ATXN7: variants seen among roughly 807,000 people sequenced by gnomAD.
ATXN7 encodes the protein ataxin-7.
A neutral mutation model predicts 70.5 loss-of-function variants in ATXN7; 12 were observed. The ratio of observed to expected loss-of-function variants is 0.17; its 90% CI spans 0.11 to 0.28. ATXN7 has a LOEUF of 0.28. Ranked by LOEUF, ATXN7 falls within the 10% of genes least tolerant of loss-of-function variation. The probability of loss-of-function intolerance (pLI) is 1.00; values close to 1 mark genes in which losing one functional copy is unlikely to be tolerated. For synonymous variants in ATXN7, 498 were observed against 448.7 expected (o/e 1.11, Z -1.39); for missense variants, 1,256 against 1,131.7 (o/e 1.11, Z -1.58).
intron 4 of ATXN7, among the ~76,000 whole-genome samples, chr3:63,939,048 G>A (rs17069500): frequency 0.061 from 9,196 of 151,040 alleles, 613 homozygotes; most frequent in African/African-American, 0.16. Context: ...GACTTGATTT[G>A]TAAGACATTT....
At chr3:63,967,907 T>C in intron 5 of ATXN7, 1 of 1,535,974 alleles carries the variant, frequency 6.5e-7, no homozygotes, top group Non-Finnish European at 8.7e-7. Flanking sequence ...AACCAAATTC[T>C]GTGAATGGAA....
At chr3:63,886,860 G>T (rs970494462) in intron 1 of ATXN7, among the ~76,000 whole-genome samples, 1 of 152,178 alleles carries the variant, frequency 6.6e-6, no homozygotes, top group Non-Finnish European at 1.5e-5. Flanking sequence ...ATGACAGTTT[G>T]TTTGCAGAAT....
chr3:63,997,223 A>G (rs191600323), intron 12 of ATXN7, among the ~76,000 whole-genome samples: 3 of 152,036 alleles, frequency 2.0e-5, no homozygotes, highest in Admixed American at 1.3e-4. Context: ...GCGCCACTGC[A>G]CTCCATCCGG....
chr3:63,983,075 G>T (rs562640418), intron 8 of ATXN7, 54 bp downstream of exon 8: 10 of 1,381,718 alleles, frequency 7.2e-6, no homozygotes, highest in Non-Finnish European at 1.0e-5. Context: ...TGGGTGACTG[G>T]GATGTACCAC....
At chr3:63,998,228 G>C in intron 12 of ATXN7, 4 of 973,192 alleles carry the variant, frequency 4.1e-6, no homozygotes, top group Non-Finnish European at 4.9e-6. Context: ...GGGCACAGCA[G>C]AGATTGACAG....
intron 12 of ATXN7, chr3:63,998,203 G>GGA (rs1303097939): frequency 1.9e-5 from 18 of 949,776 alleles, no homozygotes; most frequent in South Asian, 1.0e-4. Context: ...GGACAGAAGG[G>GGA]GGGGGGGCCA....
chr3:63,957,625 T>C lies in ATXN7; in HGVS notation c.499+5142T>C, dbSNP rs1018500367. 2.0e-5 allele frequency among the ~76,000 whole-genome samples: 3 copies of C among 152,380 alleles called. No homozygotes were observed. The South Asian group carries it at 6.2e-4, about 32-fold the overall frequency. ...TTTATGTTGATGCTTTTGCCAGTGC[T>C]GGCTCTGAGCCTGAGGCTTGCTCTC... On this transcript the variant is annotated intron_variant, in intron 5 of 12. Transcript: ENST00000674280.
intron 8 of ATXN7, among the ~76,000 whole-genome samples, chr3:63,986,174 C>G (rs1264463621): frequency 2.0e-5 from 3 of 152,160 alleles, no homozygotes; most frequent in African/African-American, 7.2e-5. Context: ...TCCTTAGAAC[C>G]TTAAAGCCAG....
intron 9 of ATXN7, among the ~76,000 whole-genome samples, chr3:63,989,192 G>A (rs1225368666): frequency 6.6e-6 from 1 of 152,202 alleles, no homozygotes; most frequent in African/African-American, 2.4e-5. Flanking sequence ...TGCTGGAGGA[G>A]CCATCAGAGG....
At chr3:63,888,136 T>C (rs1055023410) in intron 1 of ATXN7, among the ~76,000 whole-genome samples, 2 of 152,152 alleles carry the variant, frequency 1.3e-5, no homozygotes, top group African/African-American at 4.8e-5. Context: ...ATGTACAAAA[T>C]GGAAAGTCAG....
chr3:63,980,468 C>G (rs1462751317), intron 6 of ATXN7: 2 of 319,324 alleles, frequency 6.3e-6, no homozygotes, highest in Non-Finnish European at 1.2e-5. Flanking sequence ...GGAATAGGTA[C>G]TGTTACTATC....
intron 5 of ATXN7, among the ~76,000 whole-genome samples, chr3:63,956,620 A>G (rs2075043229): frequency 6.6e-6 from 1 of 152,076 alleles, no homozygotes; most frequent in South Asian, 2.1e-4. Context: ...AGGAATCTGC[A>G]TTCTAAACAG....
chr3:63,879,563 C>T (rs1033163171), intron 1 of ATXN7, among the ~76,000 whole-genome samples: 1 of 150,584 alleles, frequency 6.6e-6, no homozygotes, highest in Non-Finnish European at 1.5e-5. Flanking sequence ...GCGATCTCGG[C>T]TCACTGCAAC....
At chr3:63,953,575 G>A (rs185958993) in intron 5 of ATXN7, among the ~76,000 whole-genome samples, 7 of 152,084 alleles carry the variant, frequency 4.6e-5, no homozygotes, top group Admixed American at 4.6e-4. Flanking sequence ...AGGGGGAATA[G>A]TTCAGAGGCA....
At position 64,001,396 on chromosome 3, in the gene ATXN7, G is replaced by C. The variant is rs1045059158; in HGVS notation, c.*1929G>C. 6.6e-6 allele frequency: 1 copy of C among 152,208 alleles called. No individual in the cohort carries two copies. The allele number at this position is 152,208 out of a possible 1,614,324, so 9.4% of individuals were successfully genotyped here. On this transcript the variant is annotated 3_prime_UTR_variant, in exon 13 of 13. Transcript: ENST00000674280. The stretch of plus-strand genomic sequence containing the variant: ...TGGTTTCCATCCCAGTCGGGGAAGA[G>C]AGAGGTGAGAGGGAATCAGAACGTA...
At chr3:63,951,850 G>A (rs1044168448) in intron 4 of ATXN7, among the ~76,000 whole-genome samples, 5 of 152,296 alleles carry the variant, frequency 3.3e-5, no homozygotes, top group African/African-American at 9.6e-5. Context: ...GCATTAGTAT[G>A]TAAGCAAAAG....
intron 1 of ATXN7, among the ~76,000 whole-genome samples, chr3:63,880,461 CT>C (rs1388724764): frequency 6.6e-6 from 1 of 152,164 alleles, no homozygotes; most frequent in Non-Finnish European, 1.5e-5. Context: ...GGCAGCCAGT[CT>C]TTTGGTGCCT....
At chr3:63,913,259 A>C in intron 4 of ATXN7, 34 bp downstream of exon 4, 8 of 1,593,066 alleles carry the variant, frequency 5.0e-6, no homozygotes, top group Non-Finnish European at 6.9e-6. Flanking sequence ...GTTTGTACAA[A>C]CCCCTGGGAA....
intron 1 of ATXN7, chr3:63,865,508 C>G (rs1056232622): frequency 2.0e-5 from 3 of 152,138 alleles, no homozygotes; most frequent in African/African-American, 7.2e-5. Flanking sequence ...TGTTTTAAAT[C>G]TTAAGTACTA....
Sources: gnomAD v4.1 joint callset for allele counts (sites outside exome capture counted in the v4.1 genomes callset) on GRCh38, gnomAD v4.1.1 for gene constraint, MANE v1.5 for transcripts, NCBI Gene and HGNC (gene_info 2026-07-23, HGNC 2026-07-21) for gene names.